Variants in MEIKIN observed in about 807,000 individuals in gnomAD.
The protein encoded by MEIKIN is meiosis-specific kinetochore protein.
At chr5:131,829,737 T>A (rs910992819) in intron 11 of MEIKIN, among the ~76,000 whole-genome samples, 1 of 152,120 alleles carries the variant, frequency 6.6e-6, no homozygotes, top group African/African-American at 2.4e-5. Context: ...CAAGTTAAGA[T>A]CACAAAGACA....
intron 11 of MEIKIN, among the ~76,000 whole-genome samples, chr5:131,836,650 G>C (rs1284875581): frequency 6.6e-6 from 1 of 151,498 alleles, no homozygotes; most frequent in Non-Finnish European, 1.5e-5. Context: ...AATCATCAGT[G>C]ATGTTGAGCT....
chr5:131,901,822 G>A (rs1306960116), intron 8 of MEIKIN, among the ~76,000 whole-genome samples: 1 of 151,842 alleles, frequency 6.6e-6, no homozygotes, highest in Non-Finnish European at 1.5e-5. Flanking sequence ...TATCAAACAG[G>A]GCAAAAGAAA....
At chr5:131,825,003 T>C (rs764046271) in intron 11 of MEIKIN, among the ~76,000 whole-genome samples, 2 of 151,212 alleles carry the variant, frequency 1.3e-5, no homozygotes, top group African/African-American at 2.4e-5. Context: ...CTGGGTAATA[T>C]AGGGAGACTT....
intron 8 of MEIKIN, among the ~76,000 whole-genome samples, chr5:131,889,107 A>T (rs1750859237): frequency 6.6e-6 from 1 of 152,140 alleles, no homozygotes; most frequent in South Asian, 2.1e-4. Context: ...TGTTTTGGTT[A>T]CTGTAGCCTT....
rs368176781 is a variant in MEIKIN, at chr5:131,878,456, A to G, written c.774+522T>C. Among the ~76,000 whole-genome samples the G allele has an allele frequency of 4.4e-3, 672 of 152,174 alleles. 12 individuals carry two copies. Among genetic ancestry groups the G allele is most frequent in the African/African-American group, 0.016 (653 of 41,528 alleles). On this transcript the variant is annotated intron_variant, in intron 9 of 12. Coordinates refer to ENST00000442687, the MANE Select transcript of MEIKIN (RefSeq NM_001303622.2). ...GTGGCAGGCACCCGTAGTCCCAGCTACTCGGGAGGCTGAGGCAGGAGAATG... is the reference window on the plus strand; with the variant it reads ...GTGGCAGGCACCCGTAGTCCCAGCTGCTCGGGAGGCTGAGGCAGGAGAATG...
At chr5:131,877,925 AT>A (rs1454787525) in intron 9 of MEIKIN, among the ~76,000 whole-genome samples, 2 of 152,248 alleles carry the variant, frequency 1.3e-5, no homozygotes, top group East Asian at 3.8e-4. Flanking sequence ...ATCGTGTGCC[AT>A]CCCCCTCAGT....
intron 11 of MEIKIN, among the ~76,000 whole-genome samples, chr5:131,849,599 A>T (rs1232314617): frequency 7.3e-6 from 1 of 136,152 alleles, no homozygotes; most frequent in Non-Finnish European, 1.6e-5. Flanking sequence ...ATATATAAAG[A>T]AACCTCTTTT....
chr5:131,927,396 T>G (rs1405611137), intron 5 of MEIKIN, among the ~76,000 whole-genome samples: 1 of 152,248 alleles, frequency 6.6e-6, no homozygotes, highest in Non-Finnish European at 1.5e-5. Context: ...TGATCTATTA[T>G]GGAGAATGTC....
intron 11 of MEIKIN, among the ~76,000 whole-genome samples, chr5:131,836,396 C>T (rs1463843725): frequency 2.0e-5 from 3 of 152,102 alleles, no homozygotes; most frequent in African/African-American, 7.2e-5. Flanking sequence ...AATTTATATT[C>T]CTTTGTGTAT....
At chr5:131,883,045 G>A (rs1750724667) in intron 8 of MEIKIN, among the ~76,000 whole-genome samples, 2 of 152,018 alleles carry the variant, frequency 1.3e-5, no homozygotes, top group Non-Finnish European at 2.9e-5. Context: ...TTATTTATCT[G>A]TTTATTATCT....
chr5:131,898,604 T>C (rs1293402905), intron 8 of MEIKIN, among the ~76,000 whole-genome samples: 3 of 152,252 alleles, frequency 2.0e-5, no homozygotes, highest in East Asian at 3.8e-4. Flanking sequence ...CCCAGCCACT[T>C]TGTTTACCAA....
intron 8 of MEIKIN, among the ~76,000 whole-genome samples, chr5:131,886,528 A>G (rs1231014963): frequency 1.3e-5 from 2 of 152,200 alleles, no homozygotes; most frequent in Non-Finnish European, 2.9e-5. Flanking sequence ...AAGGAAAACA[A>G]CTTTTACTCT....
At chr5:131,823,996 TA>T (rs986552272) in intron 11 of MEIKIN, among the ~76,000 whole-genome samples, 3 of 152,180 alleles carry the variant, frequency 2.0e-5, no homozygotes, top group African/African-American at 4.8e-5. Context: ...TCTTTTCCCT[TA>T]CTTTCTCCTA....
intron 11 of MEIKIN, among the ~76,000 whole-genome samples, chr5:131,842,423 T>C (rs2149611742): frequency 6.6e-6 from 1 of 152,308 alleles, no homozygotes; most frequent in East Asian, 1.9e-4. Flanking sequence ...ATTGAGTATA[T>C]TAGTTGTGGG....
intron 8 of MEIKIN, 122 bp downstream of exon 8, chr5:131,911,693 C>T (rs1461669895): frequency 1.6e-5 from 6 of 382,620 alleles, no homozygotes; most frequent in South Asian, 1.4e-4. Context: ...AAAAAGTACT[C>T]GGTTCACTGG....
chr5:131,815,374 C>CT (rs1005399171), intron 12 of MEIKIN, among the ~76,000 whole-genome samples: 3 of 152,158 alleles, frequency 2.0e-5, no homozygotes, highest in Non-Finnish European at 2.9e-5. Context: ...ATAAATGGTA[C>CT]TTTTTTTCCC....
intron 5 of MEIKIN, among the ~76,000 whole-genome samples, chr5:131,930,640 AT>A (rs1417617246): frequency 2.0e-5 from 3 of 151,114 alleles, no homozygotes; most frequent in Admixed American, 6.6e-5. Flanking sequence ...ATTCTTTTTT[AT>A]TTTTTTTAGA....
chr5:131,881,284 T>C (rs1750699849), intron 8 of MEIKIN, among the ~76,000 whole-genome samples: 1 of 152,216 alleles, frequency 6.6e-6, no homozygotes, highest in African/African-American at 2.4e-5. Flanking sequence ...TTTCATAATC[T>C]TGATAACTTT....
chr5:131,870,877 T>C (rs1490982293), intron 9 of MEIKIN, among the ~76,000 whole-genome samples: 2 of 152,202 alleles, frequency 1.3e-5, no homozygotes, highest in Non-Finnish European at 2.9e-5. Flanking sequence ...CTATTTGCTC[T>C]CTAATTCCTT....
Sources: gnomAD v4.1 joint callset for allele counts (sites outside exome capture counted in the v4.1 genomes callset) on GRCh38, gnomAD v4.1.1 for gene constraint, MANE v1.5 for transcripts, NCBI Gene and HGNC (gene_info 2026-07-23, HGNC 2026-07-21) for gene names.